The following TENM2 variants were observed in gnomAD, a reference collection of about 807,000 sequenced individuals.
The protein encoded by TENM2 is teneurin transmembrane protein 2, also known as teneurin-2.
A neutral mutation model predicts 245.2 loss-of-function variants in TENM2; 52 were observed. The observed-to-expected ratio is 0.21, with a 90% CI of 0.17 to 0.27. TENM2 has a LOEUF of 0.27. TENM2 is among the 10% of genes least tolerant of loss of function. The pLI is 1.00. For synonymous variants in TENM2, 1,363 were observed against 1,438.9 expected (o/e 0.95, Z 1.19); for missense variants, 3,046 against 3,666.8 (o/e 0.83, Z 4.37).
At chr5:168,236,977 TATATATATATATATATATATA>T (rs1765543225) in intron 25 of TENM2, among the ~76,000 whole-genome samples, 1 of 5,562 alleles carries the variant, frequency 1.8e-4, no homozygotes, top group Non-Finnish European at 4.0e-4. Flanking sequence ...TATATATATA[TATATATATATATATATATATA>T]TATTTTTTTT....
intron 5 of TENM2, among the ~76,000 whole-genome samples, chr5:168,030,168 T>TTTTTTTTTTTTTTTTTTTTTTC (rs1562071982): frequency 7.1e-5 from 6 of 84,626 alleles, no homozygotes; most frequent in Non-Finnish European, 1.0e-4. Context: ...CTTTTTTTTT[T>TTTTTTTTTTTTTTTTTTTTTTC]TTTTTTTTTT....
chr5:167,646,136 TTATATATATATGTTGTTTTCA>T (rs1240238839), intron 2 of TENM2, among the ~76,000 whole-genome samples: 3 of 136,064 alleles, frequency 2.2e-5, no homozygotes, highest in African/African-American at 5.5e-5. Flanking sequence ...ATATATGTTT[TTATATATATATGTTGTTTTCA>T]TATATATATA....
intron 12 of TENM2, among the ~76,000 whole-genome samples, chr5:168,145,585 C>T (rs1755985569): frequency 6.6e-6 from 1 of 151,206 alleles, no homozygotes; most frequent in Admixed American, 6.6e-5. Flanking sequence ...TTACTGTAGC[C>T]TTGTAGTATA....
At chr5:167,374,347 C>T (rs1214579605) in intron 1 of TENM2, among the ~76,000 whole-genome samples, 1 of 152,122 alleles carries the variant, frequency 6.6e-6, no homozygotes, top group African/African-American at 2.4e-5. Context: ...ATAGGCTAGA[C>T]CATCTAGGTT....
chr5:167,445,332 T>TAGAGAGAG (rs71591182), intron 2 of TENM2, among the ~76,000 whole-genome samples: 100 of 76,984 alleles, frequency 1.3e-3, no homozygotes, highest in Middle Eastern at 8.5e-3. Context: ...TATATATATA[T>TAGAGAGAG]ATATAGAGAG....
chr5:167,268,869 GATAC>G, the TENM2 span, among the ~76,000 whole-genome samples: 21 of 137,990 alleles, frequency 1.5e-4, no homozygotes, highest in South Asian at 2.4e-3. Context: ...CTTTCCAAAA[GATAC>G]ATAGATAGAT....
At chr5:168,106,660 C>A (rs572106788) in intron 9 of TENM2, among the ~76,000 whole-genome samples, 2 of 152,186 alleles carry the variant, frequency 1.3e-5, no homozygotes, top group Non-Finnish European at 2.9e-5. Context: ...TTGCAGGCAG[C>A]TTGTGCGATG....
chr5:168,213,909 A>C (rs1383694334), intron 20 of TENM2, among the ~76,000 whole-genome samples: 1 of 152,224 alleles, frequency 6.6e-6, no homozygotes, highest in Non-Finnish European at 1.5e-5. Context: ...CAGAAAGGCA[A>C]TTACTGTTTG....
Position 167,289,110 on chromosome 5 carries a change from A to G in TENM2, c.226+4047A>G, listed in dbSNP as rs190714743. On this transcript the variant is annotated intron_variant, in intron 1 of 28. Coordinates refer to ENST00000518659, the Ensembl canonical transcript of TENM2. The stretch of plus-strand genomic sequence containing the variant: ...CTCTCCAGAAGCATTCCTGCCTACA[A>G]TACCTCTCTACCAACCACCACTGTA... Among the ~76,000 whole-genome samples the G allele has an allele frequency of 2.6e-5, 4 of 152,250 alleles. No individual in the cohort carries two copies. In the East Asian group the frequency reaches 7.7e-4, roughly 29 times the overall value.
At chr5:167,626,674 C>G (rs1410959405) in intron 2 of TENM2, among the ~76,000 whole-genome samples, 3 of 152,102 alleles carry the variant, frequency 2.0e-5, no homozygotes, top group Non-Finnish European at 4.4e-5. Flanking sequence ...AAAGTTGGAA[C>G]AACTGCTATA....
At position 167,955,745 on chromosome 5, in the gene TENM2, T is replaced by G. The variant is rs184368682; in HGVS notation, c.947+2923T>G. ...AGGGAATCCTTTCCCCATTGCTTGT[T>G]TCCATCGGGTTTGTCAAAGATCAGA... On this transcript the variant is annotated intron_variant, in intron 4 of 28. Coordinates refer to ENST00000518659, the Ensembl canonical transcript of TENM2. 8.9e-4 allele frequency among the ~76,000 whole-genome samples: 135 copies of G among 152,340 alleles called. 1 individual carries two copies. Among genetic ancestry groups the G allele is most frequent in the Middle Eastern group, 6.8e-3 (2 of 294 alleles).
intron 2 of TENM2, among the ~76,000 whole-genome samples, chr5:167,634,444 A>T (rs1470887615): frequency 6.6e-6 from 1 of 151,924 alleles, no homozygotes; most frequent in Non-Finnish European, 1.5e-5. Context: ...AAGCACAAAG[A>T]AGGTGCTCCA....
intron 3 of TENM2, among the ~76,000 whole-genome samples, chr5:167,894,977 GGAAGGAAGGAA>G (rs1561906763): frequency 6.7e-5 from 9 of 134,792 alleles, no homozygotes; most frequent in African/African-American, 1.6e-4. Flanking sequence ...AAGGAAGGAA[GGAAGGAAGGAA>G]GGAGGGAAGG....
intron 1 of TENM2, among the ~76,000 whole-genome samples, chr5:167,374,500 C>G (rs191927853): frequency 3.4e-4 from 51 of 152,092 alleles, no homozygotes; most frequent in South Asian, 8.3e-4. Flanking sequence ...ACACAATCAC[C>G]CTGAGAAAAT....
intron 4 of TENM2, among the ~76,000 whole-genome samples, chr5:167,974,432 G>T (rs1782277764): frequency 7.1e-6 from 1 of 141,838 alleles, no homozygotes; most frequent in African/African-American, 2.7e-5. Context: ...AGGGAGGGGT[G>T]GAGGAAGGAG....
At chr5:168,226,056 C>G in intron 23 of TENM2, 32 bp from the exon 26 acceptor site, 1 of 1,595,262 alleles carries the variant, frequency 6.3e-7, no homozygotes. Flanking sequence ...TGCTGCTAAC[C>G]AGGGTTTATC....
chr5:168,028,095 G>T (rs1206376217), intron 5 of TENM2, among the ~76,000 whole-genome samples: 3 of 152,184 alleles, frequency 2.0e-5, no homozygotes, highest in Non-Finnish European at 4.4e-5. Flanking sequence ...GCAGACCTTA[G>T]AAGGGTGGCT....
At chr5:167,011,764 T>A in the TENM2 span, among the ~76,000 whole-genome samples, 2 of 152,228 alleles carry the variant, frequency 1.3e-5, no homozygotes, top group African/African-American at 4.8e-5. Flanking sequence ...GATGAACTCA[T>A]TTGGCAGGTA....
rs1770225279 is a variant in TENM2, at chr5:167,848,166, G to A, written c.503-27820G>A. Among the ~76,000 whole-genome samples the A allele has an allele frequency of 2.0e-5, 3 of 152,170 alleles. No individual in the cohort carries two copies. The South Asian group carries it at 6.2e-4, about 32-fold the overall frequency. ...TAGACTTCAGTGGACTACAATGAAT[G>A]GCTGAGTAGGTCATGAGAGCTGAGT... On this transcript the variant is annotated intron_variant, in intron 2 of 28. Transcript: ENST00000518659.
Sources: gnomAD v4.1 joint callset for allele counts (sites outside exome capture counted in the v4.1 genomes callset) on GRCh38, gnomAD v4.1.1 for gene constraint, MANE v1.5 for transcripts, NCBI Gene and HGNC (gene_info 2026-07-23, HGNC 2026-07-21) for gene names.